The following CEP63 variants were observed in gnomAD, a reference collection of about 807,000 sequenced individuals.
CEP63 encodes centrosomal protein of 63 kDa.
In CEP63, 84 loss-of-function variants were observed where a neutral mutation model predicts 89.1. The observed-to-expected ratio is 0.94, with a 90% CI of 0.79 to 1.13. CEP63 has a LOEUF of 1.13. Among genes scored for constraint, CEP63 ranks in the 50% most tolerant of loss-of-function variants. The probability of loss-of-function intolerance (pLI) is 0.00; values close to 1 mark genes in which losing one functional copy is unlikely to be tolerated. For missense variants in CEP63, 838 were observed against 813.3 expected, an observed-to-expected ratio of 1.03 and a Z score of -0.37; for synonymous variants, 267 against 272.5, an observed-to-expected ratio of 0.98 and a Z score of 0.20.
At chr3:134,546,475 C>T (rs1437721689) in intron 8 of CEP63, among the ~76,000 whole-genome samples, 187 bp downstream of exon 8, 2 of 152,174 alleles carry the variant, frequency 1.3e-5, no homozygotes, top group African/African-American at 2.4e-5. Context: ...TCTCCAGGCT[C>T]AGCCTCCCAA....
At chr3:134,744,442 C>T in the CEP63 span, among the ~76,000 whole-genome samples, 1 of 152,272 alleles carries the variant, frequency 6.6e-6, no homozygotes, top group Non-Finnish European at 1.5e-5. Context: ...GCTAGGGAAA[C>T]GGGTGGCAAT....
Position 134,562,759 on chromosome 3 carries a change from C to T in CEP63, c.*1224C>T, listed in dbSNP as rs1396613335. On this transcript the variant is annotated 3_prime_UTR_variant, in exon 15 of 15. Coordinates refer to ENST00000675561, the MANE Select transcript of CEP63 (RefSeq NM_001353108.3). Reference sequence around the variant, plus strand: ...ATCAGTGTCTGAGCATCATTCAGCACAGTTGGACTCTCTCTTGGCTTCTGT... The same window carrying T: ...ATCAGTGTCTGAGCATCATTCAGCATAGTTGGACTCTCTCTTGGCTTCTGT... The T allele has an allele frequency of 6.6e-6, 1 of 152,540 alleles. No homozygotes were observed. The highest frequency in any genetic ancestry group is 1.5e-5 in the Non-Finnish European group (1 of 68,248). 9.4% of individuals were successfully genotyped at this position (152,540 alleles called of 1,614,324 possible). A position where few individuals can be genotyped will look rare whatever the true frequency, so the allele number is the denominator to read the frequency against.
intron 2 of CEP63, among the ~76,000 whole-genome samples, chr3:134,504,556 C>T (rs1168162454): frequency 6.6e-6 from 1 of 152,154 alleles, no homozygotes; most frequent in African/African-American, 2.4e-5. Context: ...TGACTTTTGA[C>T]AGTTTGACTA....
chr3:134,706,171 C>A, the CEP63 span, among the ~76,000 whole-genome samples: 2 of 152,126 alleles, frequency 1.3e-5, no homozygotes, highest in African/African-American at 4.8e-5. Flanking sequence ...TAACCCATTT[C>A]TTTCCACCCT....
chr3:134,658,187 C>T, the CEP63 span, among the ~76,000 whole-genome samples: 11 of 152,294 alleles, frequency 7.2e-5, no homozygotes, highest in African/African-American at 1.4e-4. Flanking sequence ...TGAGCCACTG[C>T]GCCCGGCTGA....
chr3:134,503,880 A>G (rs12492930), intron 2 of CEP63, among the ~76,000 whole-genome samples: 100,081 of 151,832 alleles, frequency 0.66, 33,390 homozygotes, highest in East Asian at 0.81. Flanking sequence ...GTGTCTTTAC[A>G]GATGAAGTGA....
the CEP63 span, among the ~76,000 whole-genome samples, chr3:134,695,851 A>G: frequency 6.6e-6 from 1 of 152,210 alleles, no homozygotes; most frequent in East Asian, 1.9e-4. Context: ...CAAAGTGCTT[A>G]TGTGTACTAA....
At chr3:134,748,014 G>T in the CEP63 span, among the ~76,000 whole-genome samples, 1 of 152,126 alleles carries the variant, frequency 6.6e-6, no homozygotes, top group Non-Finnish European at 1.5e-5. Context: ...TCGAAATCCT[G>T]ACCTTGTGAT....
chr3:134,721,396 T>G, the CEP63 span, among the ~76,000 whole-genome samples: 117 of 152,244 alleles, frequency 7.7e-4, no homozygotes, highest in Non-Finnish European at 1.5e-3. Context: ...GATTCCTGTG[T>G]ACAGGATGAT....
chr3:134,722,219 A>G, the CEP63 span, among the ~76,000 whole-genome samples: 1 of 151,994 alleles, frequency 6.6e-6, no homozygotes, highest in South Asian at 2.1e-4. Context: ...TCTTTCTAGA[A>G]ATTTGTTCAT....
the CEP63 span, among the ~76,000 whole-genome samples, chr3:134,762,663 G>A: frequency 2.0e-5 from 3 of 152,132 alleles, no homozygotes; most frequent in Admixed American, 1.3e-4. Context: ...AAGGAGAGAG[G>A]CCTGAAACAG....
intron 3 of CEP63, among the ~76,000 whole-genome samples, chr3:134,516,662 C>A (rs1347692114): frequency 6.6e-6 from 1 of 152,164 alleles, no homozygotes; most frequent in Non-Finnish European, 1.5e-5. Context: ...AGCATGCTAC[C>A]TTCAAGCATT....
At chr3:134,696,349 G>C in the CEP63 span, among the ~76,000 whole-genome samples, 1 of 152,150 alleles carries the variant, frequency 6.6e-6, no homozygotes, top group African/African-American at 2.4e-5. Flanking sequence ...TCACCAGCAG[G>C]GAGTGCTGGG....
At chr3:134,589,200 A>G (rs1044674977), downstream of CEP63, among the ~76,000 whole-genome samples, 9 of 152,212 alleles carry the variant, frequency 5.9e-5, no homozygotes, top group Admixed American at 2.0e-4. Context: ...TTCTCATTTT[A>G]TAAGACCAGC....
chr3:134,617,049 C>T, the CEP63 span, among the ~76,000 whole-genome samples: 1 of 152,150 alleles, frequency 6.6e-6, no homozygotes. Flanking sequence ...TTAACTTTGG[C>T]ACTCCTTCTA....
chr3:134,628,491 G>A, the CEP63 span, among the ~76,000 whole-genome samples: 2 of 152,164 alleles, frequency 1.3e-5, no homozygotes, highest in Non-Finnish European at 2.9e-5. Flanking sequence ...TGCCCCTGAA[G>A]GCCACTTTAG....
Position 134,561,763 on chromosome 3 carries a change from C to T in CEP63, c.*228C>T. 2 of 1,345,530 alleles carry T rather than the reference C, an allele frequency of 1.5e-6. No homozygotes were observed. Among genetic ancestry groups the T allele is most frequent in the African/African-American group, 1.5e-5 (1 of 68,148 alleles). The allele number at this position is 1,345,530 out of a possible 1,614,324, so 83.3% of individuals were successfully genotyped here. A position where few individuals can be genotyped will look rare whatever the true frequency, so the allele number is the denominator to read the frequency against. ...TAAGTTGAAAGAATAAACCACTTTG[C>T]TAGACTTTTTTCTCATACGAATATT... On this transcript the variant is annotated 3_prime_UTR_variant, in exon 15 of 15. Transcript: ENST00000675561.
intron 2 of CEP63, among the ~76,000 whole-genome samples, chr3:134,505,489 C>T (rs1296907419): frequency 6.6e-6 from 1 of 152,148 alleles, no homozygotes; most frequent in East Asian, 1.9e-4. Context: ...TCATCACGTA[C>T]CAGACAGTGA....
the CEP63 span, among the ~76,000 whole-genome samples, chr3:134,762,470 C>G: frequency 6.6e-6 from 1 of 152,124 alleles, no homozygotes; most frequent in African/African-American, 2.4e-5. Flanking sequence ...TCTGGTACTT[C>G]AGAACATGAC....
Sources: gnomAD v4.1 joint callset for allele counts (sites outside exome capture counted in the v4.1 genomes callset) on GRCh38, gnomAD v4.1.1 for gene constraint, MANE v1.5 for transcripts, NCBI Gene and HGNC (gene_info 2026-07-23, HGNC 2026-07-21) for gene names.